Variants in SRP72 observed in about 807,000 individuals in gnomAD.
The protein encoded by SRP72 is signal recognition particle 72.
A neutral mutation model predicts 96.3 loss-of-function variants in SRP72; 49 were observed. That is an observed-to-expected ratio of 0.51 (90% confidence interval 0.40 to 0.65). SRP72 has a LOEUF of 0.65. Among genes scored for constraint, SRP72 ranks in the 30% least tolerant of loss-of-function variants. The pLI is 0.00. For missense variants in SRP72, 736 were observed against 793.3 expected (o/e 0.93, Z 0.87); for synonymous variants, 267 against 275.2 (o/e 0.97, Z 0.30).
rs1476542342 is a variant in SRP72 at position 56,495,455 on chromosome 4, A to AAG, written c.1678+61_1678+62insAG. 3.4e-5 allele frequency: 40 copies of AAG among 1,167,494 alleles called. 1 individual carries two copies. The highest frequency in any genetic ancestry group is 4.3e-4 in the Middle Eastern group (2 of 4,638). The allele number at this position is 1,167,494 out of a possible 1,614,324, so 72.3% of individuals were successfully genotyped here. On this transcript the variant is annotated intron_variant, in intron 17 of 18. Coordinates refer to ENST00000642900, the MANE Select transcript of SRP72 (RefSeq NM_006947.4). ...AAAATAAATGTTTGATTTTAGCCCT[A>AAG]TATAGAAATATTTGGACATAAATAT...
At chr4:56,473,260 C>G (rs191949154) in intron 3 of SRP72, among the ~76,000 whole-genome samples, 1,894 of 151,972 alleles carry the variant, frequency 0.012, 16 homozygotes, top group Non-Finnish European at 0.021. Context: ...GAGATCGAGA[C>G]CATCCTGGCT....
intron 3 of SRP72, 102 bp from the exon 4 acceptor site, chr4:56,473,952 G>C (rs1017707154): frequency 8.8e-7 from 1 of 1,133,200 alleles, no homozygotes; most frequent in African/African-American, 1.6e-5. Context: ...ATGTTATGCT[G>C]AACTAGGATT....
At chr4:56,499,208 C>T (rs370141141) in intron 17 of SRP72, among the ~76,000 whole-genome samples, 59 of 152,270 alleles carry the variant, frequency 3.9e-4, no homozygotes, top group African/African-American at 1.4e-3. Context: ...CCCTTCCTTA[C>T]ACCTTATACA....
intron 17 of SRP72, among the ~76,000 whole-genome samples, chr4:56,495,635 A>G (rs1721050429): frequency 6.6e-6 from 1 of 152,206 alleles, no homozygotes; most frequent in Non-Finnish European, 1.5e-5. Context: ...GCTATTTAAT[A>G]TACCTGCCAG....
At chr4:56,483,410 C>A in intron 9 of SRP72, 140 bp downstream of exon 9, 1 of 793,538 alleles carries the variant, frequency 1.3e-6, no homozygotes, top group Non-Finnish European at 1.9e-6. Flanking sequence ...TTGCCTTCCT[C>A]AAAATATTAT....
intron 2 of SRP72, among the ~76,000 whole-genome samples, chr4:56,470,013 G>A (rs942010948): frequency 6.9e-6 from 1 of 144,300 alleles, no homozygotes; most frequent in Non-Finnish European, 1.5e-5. Flanking sequence ...CCTTTGAACC[G>A]CTAAGGAGGT....
At chr4:56,490,113 T>G (rs1031985754) in intron 13 of SRP72, among the ~76,000 whole-genome samples, 2 of 152,200 alleles carry the variant, frequency 1.3e-5, no homozygotes, top group Non-Finnish European at 2.9e-5. Flanking sequence ...ATAGGTTGTT[T>G]TCCAGATTCA....
At chr4:56,479,795 C>G (rs894986036) in intron 8 of SRP72, among the ~76,000 whole-genome samples, 1 of 152,070 alleles carries the variant, frequency 6.6e-6, no homozygotes, top group Non-Finnish European at 1.5e-5. Flanking sequence ...AAAAACATTT[C>G]AAGGTCACAA....
At position 56,490,353 on chromosome 4, in the gene SRP72, G is replaced by A. The variant is rs755093443; in HGVS notation, c.1341G>A (p.Leu447=). The change falls in exon 14 of 19, where the codon TTG becomes TTA. Residue 447 remains leucine (L), a synonymous_variant. Transcript: ENST00000642900. ...TGTAGCCAAAATCTCCTGCTCATTT[G>A]TCCTTGATAAGAGAAGCTGCAAACT... ...QNHQPKSPAH[L]SLIREAANFK... 4 of 1,612,612 alleles carry A rather than the reference G, an allele frequency of 2.5e-6. No individual in the cohort carries two copies. The African/African-American group carries it at 5.4e-5, about 22-fold the overall frequency.
Position 56,467,663 on chromosome 4 carries a change from T to C in SRP72, c.28T>C (p.Ser10Pro), listed in dbSNP as rs749080675. 24 of 1,559,056 alleles carry C rather than the reference T, an allele frequency of 1.5e-5. No homozygotes were observed. The highest frequency in any genetic ancestry group is 2.1e-5 in the Non-Finnish European group (24 of 1,154,404). ...GGCGAGCGGCGGCAGCGGGGGGGTG[T>C]CAGTACCTGCGCTGTGGAGTGAAGT... MASGGSGGV[S>P]VPALWSEVNR... The change falls in exon 1 of 19, where the codon TCA (serine) becomes CCA (proline). Residue 10 changes from serine to proline, a missense_variant. Coordinates refer to ENST00000642900, the MANE Select transcript of SRP72 (RefSeq NM_006947.4).
intron 18 of SRP72, 121 bp from the exon 19 acceptor site, chr4:56,501,563 A>T: frequency 1.2e-6 from 1 of 845,438 alleles, no homozygotes; most frequent in Non-Finnish European, 1.8e-6. Context: ...AGCTTACCTT[A>T]AAAGAAGTAG....
chr4:56,473,498 G>A (rs185446120), intron 3 of SRP72, among the ~76,000 whole-genome samples: 71 of 151,784 alleles, frequency 4.7e-4, no homozygotes, highest in Middle Eastern at 3.4e-3. Flanking sequence ...GTCGGGTGCG[G>A]TGGCTCACGC....
At chr4:56,479,998 A>G (rs938387502) in intron 8 of SRP72, among the ~76,000 whole-genome samples, 1 of 152,206 alleles carries the variant, frequency 6.6e-6, no homozygotes, top group Non-Finnish European at 1.5e-5. Flanking sequence ...GTCATAGCCT[A>G]CTTCATAAGA....
intron 8 of SRP72, among the ~76,000 whole-genome samples, chr4:56,480,838 C>T (rs1486915449): frequency 6.6e-6 from 1 of 151,988 alleles, no homozygotes; most frequent in Non-Finnish European, 1.5e-5. Context: ...ATTTGGTGAA[C>T]GGAAGGATCT....
At chr4:56,486,263 A>G in intron 10 of SRP72, 62 bp from the exon 11 acceptor site, 1 of 1,141,610 alleles carries the variant, frequency 8.8e-7, no homozygotes, top group African/African-American at 1.6e-5. Context: ...AGTAATTGTA[A>G]TGTATACAAT....
At chr4:56,473,113 G>A (rs1245240530) in intron 3 of SRP72, among the ~76,000 whole-genome samples, 2 of 151,832 alleles carry the variant, frequency 1.3e-5, no homozygotes, top group Non-Finnish European at 2.9e-5. Flanking sequence ...TTTAGATCTA[G>A]GTAACAGGGT....
chr4:56,482,113 T>A (rs1720518204), intron 8 of SRP72, among the ~76,000 whole-genome samples: 1 of 150,662 alleles, frequency 6.6e-6, no homozygotes, highest in Non-Finnish European at 1.5e-5. Flanking sequence ...TATCTCTGTA[T>A]CAGTATTTTT....
intron 17 of SRP72, among the ~76,000 whole-genome samples, chr4:56,498,645 A>C (rs1721159352): frequency 6.6e-6 from 1 of 152,196 alleles, no homozygotes; most frequent in Non-Finnish European, 1.5e-5. Flanking sequence ...GCAGAGAGCC[A>C]AATCATGAGT....
rs779812008 is a variant in SRP72 at position 56,474,100 on chromosome 4, A to G, written c.401A>G (p.Asp134Gly). The G allele has an allele frequency of 6.2e-7, 1 of 1,614,096 alleles. No individual in the cohort carries two copies. The highest frequency in any genetic ancestry group is 1.1e-5 in the South Asian group (1 of 91,080). The change falls in exon 4 of 19, where the codon GAT (aspartate) becomes GGT (glycine). Residue 134 changes from aspartate to glycine, a missense_variant. Physicochemically the swap from Asp to Gly is moderately conservative, Grantham distance 94 (BLOSUM62 -1). Coordinates refer to ENST00000642900, the MANE Select transcript of SRP72 (RefSeq NM_006947.4). ...RYDECLAVYRDLVRNSQDDYD... is the reference protein window; with the variant it reads ...RYDECLAVYRGLVRNSQDDYD... The stretch of plus-strand genomic sequence containing the variant: ...GATGAATGCTTAGCAGTGTATAGAG[A>G]TCTCGTCCGAAACTCCCAAGATGAT...
Sources: allele counts gnomAD v4.1 joint callset (sites outside exome capture counted in the v4.1 genomes callset), GRCh38; gene constraint gnomAD v4.1.1; transcripts MANE v1.5; gene names NCBI Gene and HGNC (gene_info 2026-07-23, HGNC 2026-07-21).